CASP8: variants seen among roughly 807,000 people sequenced by gnomAD.
CASP8 encodes the protein caspase-8.
In CASP8, 24 loss-of-function variants were observed where a neutral mutation model predicts 46.3. The ratio of observed to expected loss-of-function variants is 0.52; its 90% CI spans 0.38 to 0.73. CASP8 has a LOEUF of 0.73. Ranked by LOEUF, CASP8 falls within the 30% of genes least tolerant of loss-of-function variation. CASP8 has a pLI of 0.00. For missense variants in CASP8, 460 were observed against 559.0 expected, an observed-to-expected ratio of 0.82 and a Z score of 1.79; for synonymous variants, 188 against 200.4, an observed-to-expected ratio of 0.94 and a Z score of 0.52.
chr2:201,270,589 G>A (rs939355122), intron 2 of CASP8, among the ~76,000 whole-genome samples: 33 of 152,172 alleles, frequency 2.2e-4, no homozygotes, highest in African/African-American at 8.0e-4. Flanking sequence ...TAGTGTGGTG[G>A]CATGATCACA....
intron 7 of CASP8, among the ~76,000 whole-genome samples, chr2:201,279,336 T>C (rs1948850969): frequency 6.6e-6 from 1 of 152,190 alleles, no homozygotes; most frequent in Non-Finnish European, 1.5e-5. Context: ...CAATGAAGCA[T>C]TTTACTGAAC....
chr2:201,274,780 A>G (rs912448326), intron 5 of CASP8, 109 bp from the exon 6 acceptor site: 6 of 906,124 alleles, frequency 6.6e-6, no homozygotes, highest in African/African-American at 3.3e-5. Flanking sequence ...CCCAGCTTGA[A>G]TTTTCATCTT....
intron 7 of CASP8, among the ~76,000 whole-genome samples, chr2:201,282,484 A>AG (rs1949129328): frequency 9.5e-6 from 1 of 105,016 alleles, no homozygotes; most frequent in African/African-American, 3.1e-5. Flanking sequence ...GGCCGGGCAG[A>AG]GGGGCTCCTC....
At chr2:201,247,887 G>A (rs971620078) in intron 2 of CASP8, among the ~76,000 whole-genome samples, 16 of 152,018 alleles carry the variant, frequency 1.1e-4, no homozygotes, top group East Asian at 3.9e-4. Context: ...CTCGTGATCC[G>A]CCCGCCTTGG....
intron 2 of CASP8, among the ~76,000 whole-genome samples, chr2:201,253,879 C>T (rs576063951): frequency 9.9e-5 from 15 of 152,014 alleles, no homozygotes; most frequent in African/African-American, 1.9e-4. Flanking sequence ...GTCGGGAGTT[C>T]GAGACCAGCC....
chr2:201,270,178 A>T (rs1213792818), intron 2 of CASP8, among the ~76,000 whole-genome samples: 1 of 152,214 alleles, frequency 6.6e-6, no homozygotes, highest in Non-Finnish European at 1.5e-5. Flanking sequence ...CCTATTCGAC[A>T]AGCATATTCC....
At chr2:201,239,720 G>A (rs1946221519) in intron 2 of CASP8, among the ~76,000 whole-genome samples, 1 of 152,048 alleles carries the variant, frequency 6.6e-6, no homozygotes, top group Non-Finnish European at 1.5e-5. Flanking sequence ...CAAGCAAGGA[G>A]CTCCTCCCTG....
At chr2:201,283,714 C>T (rs1232147745) in intron 7 of CASP8, among the ~76,000 whole-genome samples, 1 of 83,706 alleles carries the variant, frequency 1.2e-5, no homozygotes, top group African/African-American at 3.7e-5. Flanking sequence ...CCCTCCCGGA[C>T]GGGGCGGCTG....
intron 1 of CASP8, chr2:201,262,143 A>C (rs1290684364): frequency 6.6e-6 from 1 of 152,160 alleles, no homozygotes; most frequent in African/African-American, 2.4e-5. Context: ...AATGACGTCT[A>C]AATCTTTGTG....
At chr2:201,250,263 A>G (rs1946719564) in intron 2 of CASP8, among the ~76,000 whole-genome samples, 1 of 152,256 alleles carries the variant, frequency 6.6e-6, no homozygotes, top group Admixed American at 6.5e-5. Flanking sequence ...CCCTTCCTGC[A>G]CATGCTGCTT....
rs368698136 is a variant in CASP8 at position 201,281,650 on chromosome 2, GATAAA to G, written c.803-3161_803-3157del. ...CATAAATAATTTTGAGAAGGTTTAG[GATAAA>G]ATAAGTTGGATCTTTTATTCAAAAA... is the stretch of plus-strand genomic sequence containing the variant. On this transcript the variant is annotated intron_variant, in intron 7 of 8. Coordinates refer to ENST00000673742, the MANE Select transcript of CASP8 (RefSeq NM_001372051.1). 2.0e-3 allele frequency among the ~76,000 whole-genome samples: 309 copies of G among 152,192 alleles called. 1 individual carries two copies. The highest frequency in any genetic ancestry group is 7.3e-3 in the African/African-American group (304 of 41,546).
chr2:201,241,335 A>C (rs1946290758), intron 2 of CASP8: 1 of 152,190 alleles, frequency 6.6e-6, no homozygotes, highest in African/African-American at 2.4e-5. Context: ...AGAAAGAGAG[A>C]AGACTCAAAT....
At chr2:201,243,613 C>A (rs1012122472) in intron 2 of CASP8, among the ~76,000 whole-genome samples, 1 of 152,132 alleles carries the variant, frequency 6.6e-6, no homozygotes, top group African/African-American at 2.4e-5. Flanking sequence ...GATAAAAATA[C>A]CTACCAGATG....
chr2:201,271,764 T>A (rs1261832704), intron 3 of CASP8, 143 bp downstream of exon 3: 1 of 697,948 alleles, frequency 1.4e-6, no homozygotes, highest in East Asian at 2.7e-5. Context: ...TCAGCACGAG[T>A]GTTACAGATG....
intron 1 of CASP8, among the ~76,000 whole-genome samples, 158 bp downstream of exon 1, chr2:201,260,771 T>C (rs994538625): frequency 6.6e-6 from 1 of 152,036 alleles, no homozygotes; most frequent in African/African-American, 2.4e-5. Flanking sequence ...ATGAAGTTAG[T>C]GTAAGAGGTA....
intron 2 of CASP8, among the ~76,000 whole-genome samples, chr2:201,253,899 T>G (rs573686990): frequency 6.6e-6 from 1 of 152,114 alleles, no homozygotes; most frequent in Non-Finnish European, 1.5e-5. Context: ...CTGACCAACA[T>G]GGAGAAAACC....
chr2:201,235,909 G>A (rs972524454), intron 2 of CASP8, among the ~76,000 whole-genome samples: 3 of 152,200 alleles, frequency 2.0e-5, no homozygotes, highest in Non-Finnish European at 4.4e-5. Flanking sequence ...ATTCAATACA[G>A]TAACATGCTT....
intron 7 of CASP8, among the ~76,000 whole-genome samples, chr2:201,282,457 C>G (rs1576371673): frequency 1.0e-5 from 1 of 96,732 alleles, no homozygotes; most frequent in Admixed American, 9.0e-5. Flanking sequence ...CTGGGCACAC[C>G]TCCCAGACGG....
In CASP8 at chr2:201,266,648, G is replaced by A. The variant is rs757622195; in HGVS notation, c.162G>A (p.Leu54=). 3 of 1,613,992 alleles carry A rather than the reference G, an allele frequency of 1.9e-6. No individual in the cohort carries two copies. The Admixed American group carries it at 5.0e-5, about 27-fold the overall frequency. ...LFQRLQEKRM[L]EESNLSFLKE... ...AGAGACTCCAGGAAAAGAGAATGTT[G>A]GAGGAAAGCAATCTGTCCTTCCTGA... Residue 54 remains leucine, a synonymous_variant, in exon 2 of 9, where the codon TTG becomes TTA. Coordinates refer to ENST00000673742, the MANE Select transcript of CASP8 (RefSeq NM_001372051.1). The surrounding 1 kb of genome is among the most constrained non-coding windows in gnomAD (Gnocchi z 5.7).
Sources: allele counts gnomAD v4.1 joint callset (sites outside exome capture counted in the v4.1 genomes callset), GRCh38; gene constraint gnomAD v4.1.1; non-coding constraint Gnocchi (gnomAD v3.1); transcripts MANE v1.5; gene names NCBI Gene and HGNC (gene_info 2026-07-23, HGNC 2026-07-21).